The following DNAH11 variants were observed in gnomAD, a reference collection of about 807,000 sequenced individuals.
DNAH11 encodes the protein axonemal beta dynein heavy chain 11.
A neutral mutation model predicts 526.0 loss-of-function variants in DNAH11; 442 were observed. The ratio of observed to expected loss-of-function variants is 0.84; its 90% CI spans 0.78 to 0.91. The LOEUF is 0.91. DNAH11 is among the 40% of genes least tolerant of loss of function. DNAH11 has a pLI of 0.00. For missense variants in DNAH11, 6,989 were observed against 5,448.7 expected, an observed-to-expected ratio of 1.28 and a Z score of -8.90; for synonymous variants, 2,461 against 1,935.9, an observed-to-expected ratio of 1.27 and a Z score of -7.12.
intron 65 of DNAH11, among the ~76,000 whole-genome samples, chr7:21,819,004 A>G (rs993146379): frequency 2.6e-5 from 4 of 152,072 alleles, no homozygotes; most frequent in African/African-American, 2.4e-5. Context: ...AGGAGTCATC[A>G]TGTCACTTTC....
At chr7:21,737,691 G>A (rs547281668) in intron 46 of DNAH11, among the ~76,000 whole-genome samples, 1 of 152,312 alleles carries the variant, frequency 6.6e-6, no homozygotes, top group South Asian at 2.1e-4. Context: ...ACAAACATGG[G>A]ACCAGGAGAG....
In DNAH11 at chr7:21,726,004, C is replaced by T. The variant is rs535802294; in HGVS notation, c.7440+20C>T. ...CTGCAGGTAGGTGTGTGGAACATAG[C>T]AATTGTATTAGTCTGTTTTCATATT... is the stretch of plus-strand genomic sequence containing the variant. On this transcript the variant is annotated intron_variant, in intron 45 of 81. Coordinates refer to ENST00000409508, the MANE Select transcript of DNAH11 (RefSeq NM_001277115.2). 6.6e-7 allele frequency: 1 copy of T among 1,525,512 alleles called. No homozygotes were observed. The highest frequency in any genetic ancestry group is 1.4e-5 in the African/African-American group (1 of 71,786). 94.5% of individuals were successfully genotyped at this position (1,525,512 alleles called of 1,614,324 possible). A position where few individuals can be genotyped will look rare whatever the true frequency, so the allele number is the denominator to read the frequency against.
At chr7:21,854,229 T>C in intron 67 of DNAH11, 86 bp from the exon 68 acceptor site, 1 of 1,454,290 alleles carries the variant, frequency 6.9e-7, no homozygotes, top group African/African-American at 1.4e-5. Flanking sequence ...TAATTTTTCA[T>C]TTCAGGTACG....
chr7:21,869,029 C>G (rs1783395686), intron 73 of DNAH11, 38 bp downstream of exon 73: 1 of 1,612,402 alleles, frequency 6.2e-7, no homozygotes, highest in Admixed American at 1.7e-5. Flanking sequence ...TGGGCATAAA[C>G]ACAGAGGAGG....
intron 65 of DNAH11, among the ~76,000 whole-genome samples, chr7:21,829,280 C>T (rs1187772507): frequency 6.7e-6 from 1 of 148,970 alleles, no homozygotes; most frequent in Non-Finnish European, 1.5e-5. Flanking sequence ...TCTTAAAAAG[C>T]AGCTACTATC....
Position 21,658,733 on chromosome 7 carries a change from T to C in DNAH11, c.5095-65T>C, listed in dbSNP as rs72657330. 9.4e-5 allele frequency: 131 copies of C among 1,387,122 alleles called. 1 individual carries two copies. In the South Asian group the frequency reaches 1.8e-3, roughly 19 times the overall value. 85.9% of individuals were successfully genotyped at this position (1,387,122 alleles called of 1,614,324 possible). A position where few individuals can be genotyped will look rare whatever the true frequency, so the allele number is the denominator to read the frequency against. On this transcript the variant is annotated intron_variant, in intron 29 of 81. Coordinates refer to ENST00000409508, the MANE Select transcript of DNAH11 (RefSeq NM_001277115.2). ...ACCCTCTGCGTGGCCTTAGAGCCAG[T>C]AGGAGGATGAAATTATCCTTCCATA...
intron 12 of DNAH11, among the ~76,000 whole-genome samples, chr7:21,589,846 T>G (rs1427506840): frequency 6.6e-6 from 1 of 152,158 alleles, no homozygotes; most frequent in African/African-American, 2.4e-5. Context: ...ATTTGGGGAA[T>G]CAACAGAATA....
chr7:21,697,324 A>C (rs1400960266), intron 35 of DNAH11, among the ~76,000 whole-genome samples: 1 of 151,990 alleles, frequency 6.6e-6, no homozygotes, highest in Non-Finnish European at 1.5e-5. Flanking sequence ...TGTTTTTCTA[A>C]ATGTCCCCTT....
At chr7:21,752,635 C>T (rs144269111) in intron 54 of DNAH11, among the ~76,000 whole-genome samples, 8 of 152,170 alleles carry the variant, frequency 5.3e-5, no homozygotes, top group African/African-American at 1.9e-4. Context: ...TTAATGGATC[C>T]TCAGATCCAT....
At chr7:21,764,558 A>G (rs1787087554) in intron 54 of DNAH11, among the ~76,000 whole-genome samples, 1 of 152,166 alleles carries the variant, frequency 6.6e-6, no homozygotes, top group Admixed American at 6.5e-5. Context: ...GAATAAAAGC[A>G]GAGAAGGAAA....
In DNAH11 at chr7:21,564,316, C is replaced by A; in HGVS notation, c.1113C>A (p.Ile371=). 6.2e-7 allele frequency: 1 copy of A among 1,613,652 alleles called. No individual in the cohort carries two copies. Among genetic ancestry groups the A allele is most frequent in the Non-Finnish European group, 8.5e-7 (1 of 1,179,734 alleles). The change falls in exon 6 of 82, where the codon ATC becomes ATA. Residue 371 remains isoleucine, a synonymous_variant. Transcript: ENST00000409508. ...IAPLFHTICL[I]WSHSKFYNTP... ...CATTATTTCATACCATCTGTCTGAT[C>A]TGGAGTCATTCCAAGTTTTATAACA...
intron 1 of DNAH11, among the ~76,000 whole-genome samples, chr7:21,543,966 C>A (rs1359510137): frequency 6.6e-6 from 1 of 152,116 alleles, no homozygotes; most frequent in Non-Finnish European, 1.5e-5. Context: ...GGAGTCACAT[C>A]CTTTAAAAAA....
Position 21,860,536 on chromosome 7 carries a change from A to T in DNAH11, c.11203-1317A>T, listed in dbSNP as rs531772642. On this transcript the variant is annotated intron_variant, in intron 68 of 81. Transcript: ENST00000409508. ...TTATTTACAATAGCCAAAAGGTGGAAGCAACCCAGATGTCCGTCAGTGGAT... is the reference window on the plus strand; with the variant it reads ...TTATTTACAATAGCCAAAAGGTGGATGCAACCCAGATGTCCGTCAGTGGAT... 8.5e-5 allele frequency among the ~76,000 whole-genome samples: 13 copies of T among 152,360 alleles called. No individual in the cohort carries two copies. In the South Asian group the frequency reaches 1.9e-3, roughly 22 times the overall value.
chr7:21,813,734 T>C (rs1789637075), intron 63 of DNAH11, among the ~76,000 whole-genome samples: 1 of 152,128 alleles, frequency 6.6e-6, no homozygotes, highest in Admixed American at 6.5e-5. Flanking sequence ...CATAGTAACA[T>C]CCTGACTCAC....
chr7:21,720,617 G>A, intron 43 of DNAH11, 108 bp from the exon 44 acceptor site: 1 of 1,259,442 alleles, frequency 7.9e-7, no homozygotes, highest in Non-Finnish European at 1.1e-6. Context: ...ATCACAGCTG[G>A]GAAAAACTAT....
chr7:21,812,930 C>CT (rs1789599483), intron 63 of DNAH11, among the ~76,000 whole-genome samples: 2 of 152,060 alleles, frequency 1.3e-5, no homozygotes, highest in African/African-American at 2.4e-5. Context: ...GGGGGAGAGC[C>CT]TGGTTTTGCT....
At chr7:21,777,773 T>A (rs1787742530) in intron 56 of DNAH11, among the ~76,000 whole-genome samples, 1 of 152,166 alleles carries the variant, frequency 6.6e-6, no homozygotes, top group South Asian at 2.1e-4. Flanking sequence ...GAAAAATCAG[T>A]CATAGCTTAA....
intron 65 of DNAH11, among the ~76,000 whole-genome samples, chr7:21,819,214 C>T (rs746864210): frequency 6.6e-6 from 1 of 152,102 alleles, no homozygotes; most frequent in African/African-American, 2.4e-5. Flanking sequence ...CCACCCTGTT[C>T]TTTCTTAACG....
intron 76 of DNAH11, among the ~76,000 whole-genome samples, chr7:21,891,879 A>T (rs1023332685): frequency 1.3e-5 from 2 of 152,188 alleles, no homozygotes; most frequent in African/African-American, 4.8e-5. Flanking sequence ...TTAAATGCAC[A>T]TATCATTATT....
Sources: gnomAD v4.1 joint callset for allele counts (sites outside exome capture counted in the v4.1 genomes callset) on GRCh38, gnomAD v4.1.1 for gene constraint, MANE v1.5 for transcripts, NCBI Gene and HGNC (gene_info 2026-07-23, HGNC 2026-07-21) for gene names.